ERC2: variants seen among roughly 807,000 people sequenced by gnomAD.
The protein encoded by ERC2 is ELKS/RAB6-interacting/CAST family member 2.
Under a neutral mutation model 114.8 loss-of-function variants are expected in ERC2, and 42 were observed. That is an observed-to-expected ratio of 0.37 (90% confidence interval 0.29 to 0.47). The LOEUF (loss-of-function observed/expected upper bound fraction) is 0.47. Among genes scored for constraint, ERC2 ranks in the 20% least tolerant of loss-of-function variants. The pLI, the probability that ERC2 is intolerant of heterozygous loss-of-function variation, is 0.99. For missense variants in ERC2, 939 were observed against 1,150.7 expected (o/e 0.82, Z 2.66); for synonymous variants, 454 against 425.5 (o/e 1.07, Z -0.82).
At chr3:55,512,821 T>G (rs939620472) in intron 17 of ERC2, among the ~76,000 whole-genome samples, 1 of 152,188 alleles carries the variant, frequency 6.6e-6, no homozygotes, top group Non-Finnish European at 1.5e-5. Context: ...TCTCAAAAAG[T>G]GTAGCCATTC....
intron 15 of ERC2, among the ~76,000 whole-genome samples, chr3:55,719,022 AG>A (rs1221188234): frequency 6.6e-6 from 1 of 152,206 alleles, no homozygotes; most frequent in Admixed American, 6.5e-5. Flanking sequence ...ATTGTAGTGA[AG>A]TCGTACATTT....
At chr3:55,589,663 A>C (rs568042063) in intron 17 of ERC2, among the ~76,000 whole-genome samples, 3 of 152,210 alleles carry the variant, frequency 2.0e-5, no homozygotes, top group African/African-American at 7.2e-5. Flanking sequence ...GAAAAGCAGA[A>C]CTCGTGGACA....
chr3:55,538,644 C>T (rs924702018), intron 17 of ERC2, among the ~76,000 whole-genome samples: 1 of 152,142 alleles, frequency 6.6e-6, no homozygotes, highest in African/African-American at 2.4e-5. Context: ...AAAACAAAAC[C>T]CTGTTTTTCT....
chr3:55,800,990 C>T (rs188140653), intron 14 of ERC2, among the ~76,000 whole-genome samples: 3 of 152,270 alleles, frequency 2.0e-5, no homozygotes, highest in East Asian at 3.9e-4. Context: ...CTTCTTTTGT[C>T]CTTTTGGGCC....
At chr3:55,732,331 G>T (rs980738833) in intron 15 of ERC2, among the ~76,000 whole-genome samples, 1 of 152,258 alleles carries the variant, frequency 6.6e-6, no homozygotes, top group Admixed American at 6.5e-5. Flanking sequence ...CCTGCTCTTT[G>T]GTGGGTGGGG....
At chr3:55,734,122 T>A (rs1213232891) in intron 15 of ERC2, among the ~76,000 whole-genome samples, 1 of 152,188 alleles carries the variant, frequency 6.6e-6, no homozygotes, top group African/African-American at 2.4e-5. Context: ...AAGTTAGAAC[T>A]ATGCCCCTGC....
At chr3:55,960,935 G>C (rs2068315611) in intron 12 of ERC2, among the ~76,000 whole-genome samples, 1 of 152,226 alleles carries the variant, frequency 6.6e-6, no homozygotes, top group Admixed American at 6.5e-5. Flanking sequence ...AGGAGTTCGA[G>C]ACAAGCCTGG....
chr3:55,826,654 C>T lies in ERC2; in HGVS notation c.2564+61735G>A, dbSNP rs190736284. 1.8e-3 allele frequency among the ~76,000 whole-genome samples: 275 copies of T among 152,266 alleles called. 2 individuals are homozygous for T. Among genetic ancestry groups the T allele is most frequent in the African/African-American group, 6.3e-3 (261 of 41,544 alleles). On this transcript the variant is annotated intron_variant, in intron 14 of 17. Coordinates refer to ENST00000288221, the MANE Select transcript of ERC2 (RefSeq NM_015576.3). ...CCATTTTACAAAAGGCTAAAACAGA[C>T]CCAGAGAGTGTCTTAAACCATGCCA...
intron 17 of ERC2, among the ~76,000 whole-genome samples, chr3:55,647,733 A>G (rs1413047109): frequency 1.3e-5 from 2 of 152,228 alleles, no homozygotes; most frequent in African/African-American, 2.4e-5. Flanking sequence ...ATTGGGAGGT[A>G]CGTCTGCTTG....
intron 14 of ERC2, among the ~76,000 whole-genome samples, chr3:55,763,956 T>C (rs1231628594): frequency 6.6e-6 from 1 of 152,236 alleles, no homozygotes; most frequent in Admixed American, 6.5e-5. Flanking sequence ...CGTATTTTTA[T>C]GAATATTATT....
intron 6 of ERC2, among the ~76,000 whole-genome samples, chr3:56,106,646 G>A (rs1299584580): frequency 2.0e-5 from 3 of 152,116 alleles, no homozygotes; most frequent in Admixed American, 2.0e-4. Context: ...GGAGAGCAAG[G>A]CAGAGAGAAA....
At chr3:55,717,262 T>C (rs2064178470) in intron 15 of ERC2, among the ~76,000 whole-genome samples, 8 of 152,346 alleles carry the variant, frequency 5.3e-5, no homozygotes. Flanking sequence ...TTATTTCCTC[T>C]AATTTCCAAC....
intron 6 of ERC2, among the ~76,000 whole-genome samples, chr3:56,107,336 C>G (rs1280416931): frequency 2.0e-5 from 3 of 150,304 alleles, no homozygotes; most frequent in Non-Finnish European, 4.4e-5. Flanking sequence ...CTAATGTAAA[C>G]TGAAGCCCAT....
intron 5 of ERC2, among the ~76,000 whole-genome samples, chr3:56,141,848 TTGTAAGGATC>T (rs1180594553): frequency 6.6e-6 from 1 of 152,214 alleles, no homozygotes; most frequent in Non-Finnish European, 1.5e-5. Flanking sequence ...TGCTAATATT[TTGTAAGGATC>T]TTTTATTTAT....
At chr3:55,579,775 A>G (rs76670092) in intron 17 of ERC2, among the ~76,000 whole-genome samples, 8 of 152,350 alleles carry the variant, frequency 5.3e-5, no homozygotes, top group African/African-American at 1.9e-4. Flanking sequence ...AACCTTTCAC[A>G]TGCTGCGCAC....
intron 15 of ERC2, among the ~76,000 whole-genome samples, chr3:55,734,080 A>G (rs2065471362): frequency 6.6e-6 from 1 of 152,224 alleles, no homozygotes; most frequent in South Asian, 2.1e-4. Context: ...CACTTCCAGA[A>G]AACCTTCCAG....
At chr3:56,393,725 C>T (rs2106868438) in intron 2 of ERC2, among the ~76,000 whole-genome samples, 1 of 152,274 alleles carries the variant, frequency 6.6e-6, no homozygotes, top group South Asian at 2.1e-4. Flanking sequence ...CTCAAAAATT[C>T]TCAAACCAAG....
At chr3:55,994,556 T>C (rs768751599) in intron 10 of ERC2, among the ~76,000 whole-genome samples, 34 of 149,544 alleles carry the variant, frequency 2.3e-4, no homozygotes, top group Non-Finnish European at 3.0e-4. Context: ...ATAATTATTA[T>C]TTCATAATAT....
intron 14 of ERC2, among the ~76,000 whole-genome samples, chr3:55,779,327 CAA>C (rs60185894): frequency 0.031 from 1,922 of 62,396 alleles, 30 homozygotes; most frequent in African/African-American, 0.084. Flanking sequence ...ACTAAAAATA[CAA>C]AAAAAAAAAA....
Sources: allele counts gnomAD v4.1 joint callset (sites outside exome capture counted in the v4.1 genomes callset), GRCh38; gene constraint gnomAD v4.1.1; transcripts MANE v1.5; gene names NCBI Gene and HGNC (gene_info 2026-07-23, HGNC 2026-07-21).